The following TTLL11 variants were observed in gnomAD, a reference collection of about 807,000 sequenced individuals.
TTLL11 encodes the protein tubulin polyglutamylase TTLL11.
A neutral mutation model predicts 51.7 loss-of-function variants in TTLL11; 42 were observed. That is an observed-to-expected ratio of 0.81 (90% CI 0.64 to 1.05). The LOEUF is 1.05. TTLL11 is among the 50% of genes least tolerant of loss of function. The pLI, the probability that TTLL11 is intolerant of heterozygous loss-of-function variation, is 0.00. For missense variants in TTLL11, 799 were observed against 940.4 expected, an observed-to-expected ratio of 0.85 and a Z score of 1.97; for synonymous variants, 381 against 383.5, an observed-to-expected ratio of 0.99 and a Z score of 0.08.
chr9:122,011,342 T>G (rs950672771), intron 3 of TTLL11, among the ~76,000 whole-genome samples: 57 of 152,250 alleles, frequency 3.7e-4, no homozygotes, highest in African/African-American at 1.4e-3. Context: ...TTCTCCTTAT[T>G]TATAAAATGG....
intron 1 of TTLL11, among the ~76,000 whole-genome samples, chr9:122,054,245 T>C (rs1845236433): frequency 6.6e-6 from 1 of 152,006 alleles, no homozygotes; most frequent in African/African-American, 2.4e-5. Context: ...TGCAATACTT[T>C]TAATGAGATC....
intron 6 of TTLL11, among the ~76,000 whole-genome samples, chr9:121,931,143 T>A (rs1840953800): frequency 6.6e-6 from 1 of 152,244 alleles, no homozygotes; most frequent in Non-Finnish European, 1.5e-5. Context: ...CTGCTCCACC[T>A]GGCTCAGCCA....
At chr9:121,924,581 G>A (rs1440570457) in intron 6 of TTLL11, among the ~76,000 whole-genome samples, 1 of 152,074 alleles carries the variant, frequency 6.6e-6, no homozygotes, top group East Asian at 1.9e-4. Flanking sequence ...TGAGAGTTCT[G>A]GAGAAAAAGA....
intron 6 of TTLL11, among the ~76,000 whole-genome samples, chr9:121,961,920 G>A (rs1564328592): frequency 6.6e-6 from 1 of 152,152 alleles, no homozygotes; most frequent in Admixed American, 6.5e-5. Context: ...GCCAGGCGTG[G>A]TGGTGGGTGC....
chr9:122,011,960 G>A lies in TTLL11; in HGVS notation c.693+19763C>T, dbSNP rs573724481. On this transcript the variant is annotated intron_variant, in intron 3 of 8. Transcript: ENST00000321582. ...GGGAGAAGAGGGTGCATGTTTGCGT[G>A]AGGGGAAAGGACAAGAGAATCCTTT... 7.9e-5 allele frequency among the ~76,000 whole-genome samples: 12 copies of A among 152,302 alleles called. 1 individual carries two copies. In the South Asian group the frequency reaches 2.3e-3, roughly 29 times the overall value.
intron 2 of TTLL11, 48 bp from the exon 3 acceptor site, chr9:122,031,904 C>T (rs765404406): frequency 1.3e-6 from 2 of 1,572,424 alleles, no homozygotes; most frequent in African/African-American, 1.4e-5. Flanking sequence ...GGGCTACTAG[C>T]TATAAAACAG....
rs1588047595 is a variant in TTLL11 at position 121,822,941 on chromosome 9, C to G, written c.1841-62G>C. The G allele has an allele frequency of 6.8e-7, 1 of 1,463,920 alleles. No homozygotes were observed. Among genetic ancestry groups the G allele is most frequent in the South Asian group, 1.4e-5 (1 of 70,028 alleles). The allele number at this position is 1,463,920 out of a possible 1,614,324, so 90.7% of individuals were successfully genotyped here. On this transcript the variant is annotated intron_variant, in intron 8 of 8. Coordinates refer to ENST00000321582, the MANE Select transcript of TTLL11 (RefSeq NM_001139442.2). The surrounding 1 kb of genome is among the most constrained non-coding windows in gnomAD (Gnocchi z 5.8). ...GCTGCCCTACGCTGCCCTGGGAAGGCCCACCTCCAGCCACAAGGATGTCAG... is the reference window on the plus strand; with the variant it reads ...GCTGCCCTACGCTGCCCTGGGAAGGGCCACCTCCAGCCACAAGGATGTCAG...
intron 8 of TTLL11, among the ~76,000 whole-genome samples, chr9:121,825,201 G>A (rs1389788537): frequency 3.3e-5 from 5 of 152,146 alleles, no homozygotes; most frequent in Non-Finnish European, 5.9e-5. Flanking sequence ...GCGTGTGCCC[G>A]TGCAAGTATG....
chr9:121,887,491 A>G (rs573728598), intron 6 of TTLL11, among the ~76,000 whole-genome samples: 5 of 152,216 alleles, frequency 3.3e-5, no homozygotes, highest in Non-Finnish European at 7.3e-5. Context: ...GTTGGCTACC[A>G]AGAATTTGAC....
intron 6 of TTLL11, among the ~76,000 whole-genome samples, chr9:121,959,886 C>T (rs1332216195): frequency 2.0e-5 from 3 of 152,018 alleles, no homozygotes; most frequent in Non-Finnish European, 4.4e-5. Context: ...CTGTATTATA[C>T]ATTGGACTTC....
intron 8 of TTLL11, among the ~76,000 whole-genome samples, chr9:121,839,868 C>T (rs1023329135): frequency 6.6e-6 from 1 of 152,180 alleles, no homozygotes; most frequent in Non-Finnish European, 1.5e-5. Context: ...CAAGGTGAGA[C>T]CCCTCTGAGG....
Position 121,989,238 on chromosome 9 carries a change from T to G in TTLL11, c.1226A>C (p.Gln409Pro). 7 of 1,614,158 alleles carry G rather than the reference T, an allele frequency of 4.3e-6. No individual in the cohort carries two copies. Among genetic ancestry groups the G allele is most frequent in the Non-Finnish European group, 5.1e-6 (6 of 1,179,982 alleles). Residue 409 changes from glutamine to proline, a missense_variant, in exon 4 of 9, where the codon CAG becomes CCG. Gln to Pro is a moderately conservative substitution (Grantham distance 76, BLOSUM62 -1). Around this residue, in one of 3 missense-constraint regions of TTLL11, gnomAD observed 468 missense variants for 612.8 expected, o/e 0.76. Coordinates refer to ENST00000321582, the MANE Select transcript of TTLL11 (RefSeq NM_001139442.2). The surrounding 1 kb of genome is among the most constrained non-coding windows in gnomAD (Gnocchi z 4.2). ...ALTPELKVFY[Q>P]SDIPTGRPGP... ...CGGCCTCCCCGTGGGGATGTCTGAC[T>G]GGTAGAAGACTTTGAGCTCTGGAGT...
At chr9:122,041,030 C>T (rs1844832387) in intron 1 of TTLL11, among the ~76,000 whole-genome samples, 1 of 152,156 alleles carries the variant, frequency 6.6e-6, no homozygotes, top group Admixed American at 6.5e-5. Flanking sequence ...GAGGAACCAA[C>T]ACCTTGTCAG....
intron 1 of TTLL11, among the ~76,000 whole-genome samples, chr9:122,046,434 T>C (rs188064647): frequency 6.6e-6 from 1 of 152,300 alleles, no homozygotes; most frequent in Non-Finnish European, 1.5e-5. Flanking sequence ...CCCTTATCAA[T>C]TACCCAGTCT....
intron 1 of TTLL11, among the ~76,000 whole-genome samples, chr9:122,082,608 T>C (rs893122782): frequency 1.3e-5 from 2 of 151,924 alleles, no homozygotes; most frequent in African/African-American, 4.8e-5. Flanking sequence ...AATTATGGTA[T>C]ATAAAATGGA....
chr9:121,913,486 A>G (rs73664719), intron 6 of TTLL11, among the ~76,000 whole-genome samples: 4,469 of 152,316 alleles, frequency 0.029, 167 homozygotes, highest in African/African-American at 0.082. Context: ...AAATACAAGC[A>G]AATTTTAAGT....
intron 6 of TTLL11, among the ~76,000 whole-genome samples, chr9:121,889,228 G>T (rs1157623869): frequency 6.6e-6 from 1 of 151,966 alleles, no homozygotes; most frequent in Admixed American, 6.6e-5. Flanking sequence ...AGCCAGCCTA[G>T]AAGACAGGGA....
chr9:121,870,844 AT>A, intron 6 of TTLL11, 96 bp from the exon 7 acceptor site: 1 of 1,351,610 alleles, frequency 7.4e-7, no homozygotes, highest in Non-Finnish European at 9.9e-7. Flanking sequence ...CATTACCAGC[AT>A]TTTTTATTTT....
At chr9:122,057,215 A>G (rs1394538924) in intron 1 of TTLL11, among the ~76,000 whole-genome samples, 1 of 151,862 alleles carries the variant, frequency 6.6e-6, no homozygotes, top group African/African-American at 2.4e-5. Flanking sequence ...TCCCACTACC[A>G]CTCCTAAACC....
Sources: allele counts gnomAD v4.1 joint callset (sites outside exome capture counted in the v4.1 genomes callset), GRCh38; gene constraint gnomAD v4.1.1; regional missense constraint gnomAD v4.1.1; non-coding constraint Gnocchi (gnomAD v3.1); transcripts MANE v1.5; gene names NCBI Gene and HGNC (gene_info 2026-07-23, HGNC 2026-07-21).